DNAJB6: variants seen among roughly 807,000 people sequenced by gnomAD.
DNAJB6 encodes the protein DnaJ heat shock protein family (Hsp40) member B6.
Under a neutral mutation model 42.7 loss-of-function variants are expected in DNAJB6, and 16 were observed. The ratio of observed to expected loss-of-function variants is 0.37; its 90% CI spans 0.25 to 0.57. The LOEUF is 0.57. Ranked by LOEUF, DNAJB6 falls within the 20% of genes least tolerant of loss-of-function variation. The pLI, the probability that DNAJB6 is intolerant of heterozygous loss-of-function variation, is 0.74. For missense variants in DNAJB6, 347 were observed against 416.8 expected, an observed-to-expected ratio of 0.83 and a Z score of 1.46; for synonymous variants, 170 against 163.5, an observed-to-expected ratio of 1.04 and a Z score of -0.30.
chr7:157,390,868 C>T (rs536399523), intron 8 of DNAJB6, among the ~76,000 whole-genome samples: 1 of 152,318 alleles, frequency 6.6e-6, no homozygotes, highest in Admixed American at 6.5e-5. Flanking sequence ...CCAGTTCTCT[C>T]TCTCTAACCC....
At chr7:157,384,751 C>T (rs1326454905) in intron 6 of DNAJB6, 116 bp from the exon 7 acceptor site, 9 of 1,023,678 alleles carry the variant, frequency 8.8e-6, no homozygotes, top group Non-Finnish European at 1.3e-5. Context: ...TCGTTTATTA[C>T]TCCTCGGTTC....
At chr7:157,387,270 C>G (rs1003314425) in intron 8 of DNAJB6, among the ~76,000 whole-genome samples, 1 of 152,156 alleles carries the variant, frequency 6.6e-6, no homozygotes, top group African/African-American at 2.4e-5. Context: ...AGAAGAACAA[C>G]GAGTGATGTG....
At chr7:157,411,795 C>G (rs1795984965) in intron 9 of DNAJB6, 1 of 152,258 alleles carries the variant, frequency 6.6e-6, no homozygotes, top group African/African-American at 2.4e-5. Context: ...CTTCTCCTCC[C>G]AGGCCTTCAG....
At chr7:157,355,314 C>T (rs1413609496) in intron 1 of DNAJB6, among the ~76,000 whole-genome samples, 4 of 152,206 alleles carry the variant, frequency 2.6e-5, no homozygotes, top group Non-Finnish European at 5.9e-5. Context: ...GCACCCGCCA[C>T]CTCTCTTGGC....
chr7:157,342,571 C>T (rs911035566), intron 1 of DNAJB6, among the ~76,000 whole-genome samples: 6 of 151,952 alleles, frequency 3.9e-5, no homozygotes, highest in Non-Finnish European at 8.8e-5. Context: ...ATCCGCCTGC[C>T]TTGGCCTCCC....
At chr7:157,369,555 T>G in intron 5 of DNAJB6, 2 of 350,096 alleles carry the variant, frequency 5.7e-6, no homozygotes, top group Middle Eastern at 7.8e-4. Flanking sequence ...AAACAGGGCT[T>G]TCTTACCATT....
At position 157,363,146 on chromosome 7, in the gene DNAJB6, T is replaced by C; in HGVS notation, c.66-15T>C. 1 of 1,552,412 alleles carries C rather than the reference T, an allele frequency of 6.4e-7. No individual in the cohort carries two copies. Among genetic ancestry groups the C allele is most frequent in the Non-Finnish European group, 8.8e-7 (1 of 1,131,964 alleles). ...TGGATTTAGAATGTGATCTATATCC[T>C]TTATTCTTTCCAAGATATCGGAAAC... On this transcript the variant is annotated splice_polypyrimidine_tract_variant and intron_variant, in intron 2 of 9. Transcript: ENST00000262177.
chr7:157,395,947 A>T lies in DNAJB6; in HGVS notation c.691+10336A>T, dbSNP rs55673135. Among the ~76,000 whole-genome samples the T allele has an allele frequency of 5.2e-4, 33 of 62,868 alleles. 4 individuals carry two copies. Among genetic ancestry groups the T allele is most frequent in the Non-Finnish European group, 6.7e-4 (18 of 26,810 alleles). 41.2% of individuals were successfully genotyped at this position (62,868 alleles called of 152,430 possible). A position where few individuals can be genotyped will look rare whatever the true frequency, so the allele number is the denominator to read the frequency against. Reference sequence around the variant, plus strand: ...CTGGGATTACAGGCTTGAGCCTGTAATTTTTTTTTTTTTTTTTGGAGACGT... The same window carrying T: ...CTGGGATTACAGGCTTGAGCCTGTATTTTTTTTTTTTTTTTTTGGAGACGT... On this transcript the variant is annotated intron_variant, in intron 8 of 9. Transcript: ENST00000262177.
intron 5 of DNAJB6, chr7:157,378,515 T>C (rs1800587705): frequency 6.6e-6 from 1 of 152,164 alleles, no homozygotes; most frequent in Non-Finnish European, 1.5e-5. Context: ...ACGCGCTGTA[T>C]GGTTGTGCGT....
At chr7:157,409,214 G>A (rs920772088) in intron 8 of DNAJB6, among the ~76,000 whole-genome samples, 6 of 152,226 alleles carry the variant, frequency 3.9e-5, no homozygotes, top group Admixed American at 3.3e-4. Context: ...TTTTCAGAGC[G>A]TTGAGAAGCC....
At chr7:157,374,182 C>T (rs1418253676) in intron 5 of DNAJB6, among the ~76,000 whole-genome samples, 1 of 152,174 alleles carries the variant, frequency 6.6e-6, no homozygotes, top group African/African-American at 2.4e-5. Flanking sequence ...GTGAGAGTTT[C>T]TTGGAGAACA....
At position 157,395,685 on chromosome 7, in the gene DNAJB6, T is replaced by TTTC. The variant is rs1491382276; in HGVS notation, c.691+10076_691+10077insCTT. 3.3e-5 allele frequency among the ~76,000 whole-genome samples: 4 copies of TTTC among 122,742 alleles called. No individual in the cohort carries two copies. The East Asian group carries it at 1.1e-3, about 33-fold the overall frequency. 80.5% of individuals were successfully genotyped at this position (122,742 alleles called of 152,430 possible). A position where few individuals can be genotyped will look rare whatever the true frequency, so the allele number is the denominator to read the frequency against. On this transcript the variant is annotated intron_variant, in intron 8 of 9. Transcript: ENST00000262177. ...CATTCATTCTACGTTTTTTCTTTTC[T>TTTC]TTTTTTTTTTTTTTTTTGAGACGGA...
intron 3 of DNAJB6, 28 bp downstream of exon 3, chr7:157,363,298 C>A: frequency 1.3e-6 from 2 of 1,504,958 alleles, no homozygotes; most frequent in African/African-American, 1.4e-5. Context: ...GCTGAAGGAC[C>A]CTGAGCGGGC....
intron 1 of DNAJB6, among the ~76,000 whole-genome samples, chr7:157,353,587 G>GTGTGTGTT (rs1554453964): frequency 6.2e-5 from 1 of 16,102 alleles, no homozygotes; most frequent in African/African-American, 2.0e-4. Flanking sequence ...CTTGACCGGG[G>GTGTGTGTT]TGTGTGTGTG....
intron 1 of DNAJB6, among the ~76,000 whole-genome samples, chr7:157,352,488 T>C (rs1331437658): frequency 6.6e-6 from 1 of 151,868 alleles, no homozygotes; most frequent in Admixed American, 6.6e-5. Flanking sequence ...TGAGGTGGTA[T>C]GAAGATGGGG....
intron 1 of DNAJB6, among the ~76,000 whole-genome samples, chr7:157,344,355 A>G (rs1022895320): frequency 1.5e-4 from 23 of 152,024 alleles, no homozygotes; most frequent in African/African-American, 5.6e-4. Context: ...GTCTCAAAAA[A>G]AAAAAAAAAT....
intron 8 of DNAJB6, among the ~76,000 whole-genome samples, chr7:157,401,547 C>T (rs1795518604): frequency 6.6e-6 from 1 of 152,180 alleles, no homozygotes; most frequent in African/African-American, 2.4e-5. Context: ...GGAAAGAGCA[C>T]AGAGACCTGT....
intron 6 of DNAJB6, chr7:157,382,658 G>T (rs1405298982): frequency 1.9e-5 from 4 of 210,118 alleles, no homozygotes; most frequent in Non-Finnish European, 2.8e-5. Context: ...CATATGTTCT[G>T]CATCAGTAGG....
chr7:157,403,168 T>G (rs1250113196), intron 8 of DNAJB6, among the ~76,000 whole-genome samples: 5 of 152,140 alleles, frequency 3.3e-5, no homozygotes, highest in African/African-American at 4.8e-5. Flanking sequence ...TTGCATTCTA[T>G]GAGTCTCTGA....
Sources: gnomAD v4.1 joint callset for allele counts (sites outside exome capture counted in the v4.1 genomes callset) on GRCh38, gnomAD v4.1.1 for gene constraint, MANE v1.5 for transcripts, NCBI Gene and HGNC (gene_info 2026-07-23, HGNC 2026-07-21) for gene names.